The following RSF1 variants were observed in gnomAD, a reference collection of about 807,000 sequenced individuals.
RSF1 encodes remodeling and spacing factor 1, also known as HBV pX-associated protein 8.
In RSF1, 13 loss-of-function variants were observed where a neutral mutation model predicts 145.2. That is an observed-to-expected ratio of 0.09 (90% CI 0.06 to 0.14). The LOEUF (loss-of-function observed/expected upper bound fraction) is 0.14. Among genes scored for constraint, RSF1 ranks in the 10% least tolerant of loss-of-function variants. RSF1 has a pLI of 1.00. For missense variants in RSF1, 1,517 were observed against 1,718.2 expected (o/e 0.88, Z 2.07); for synonymous variants, 577 against 592.6 (o/e 0.97, Z 0.38).
intron 4 of RSF1, among the ~76,000 whole-genome samples, chr11:77,739,875 A>G (rs1027676391): frequency 6.6e-6 from 1 of 152,282 alleles, no homozygotes; most frequent in Admixed American, 6.5e-5. Flanking sequence ...ATGGTTATAT[A>G]TTAAATGTTT....
chr11:77,786,040 A>T (rs1948453892), intron 1 of RSF1, among the ~76,000 whole-genome samples: 1 of 151,324 alleles, frequency 6.6e-6, no homozygotes, highest in Non-Finnish European at 1.5e-5. Context: ...GTGGATTTTA[A>T]CATTTCCATA....
At chr11:77,787,114 G>T (rs1025689813) in intron 1 of RSF1, among the ~76,000 whole-genome samples, 3 of 152,170 alleles carry the variant, frequency 2.0e-5, no homozygotes, top group African/African-American at 7.2e-5. Flanking sequence ...AAAGGACTGA[G>T]CAGGGCATGT....
intron 1 of RSF1, among the ~76,000 whole-genome samples, chr11:77,795,078 A>G (rs557867156): frequency 6.6e-6 from 1 of 152,338 alleles, no homozygotes; most frequent in African/African-American, 2.4e-5. Context: ...GGAATCAAGA[A>G]GGCAATCCCA....
chr11:77,694,802 C>T (rs994842442), intron 7 of RSF1, among the ~76,000 whole-genome samples: 10 of 152,176 alleles, frequency 6.6e-5, no homozygotes, highest in African/African-American at 1.2e-4. Context: ...ATCCCCAGTA[C>T]GTAACCGTTT....
the RSF1 span, chr11:77,869,723 A>G: frequency 6.2e-7 from 1 of 1,613,646 alleles, no homozygotes; most frequent in Non-Finnish European, 8.5e-7. Context: ...CACATCCAGC[A>G]TTCTCCTGGT....
At position 77,701,592 on chromosome 11, in the gene RSF1, A is replaced by G; in HGVS notation, c.1637T>C (p.Met546Thr). 1 of 1,614,100 alleles carries G rather than the reference A, an allele frequency of 6.2e-7. No individual in the cohort carries two copies. Among genetic ancestry groups the G allele is most frequent in the South Asian group, 1.1e-5 (1 of 91,074 alleles). ...AGTTTTTGAAGAGAGATCTTTTGCC[A>G]TCTCAGAAGAATCAAGAGAAGTTTC... The part of the protein sequence containing the change: ...EMETSLDSSE[M>T]AKDLSSKTAL... Residue 546 changes from methionine (M) to threonine (T), a missense_variant, in exon 6 of 16, where the codon ATG (methionine) becomes ACG (threonine). This residue lies in a region of RSF1 where 579 missense variants were observed against 553.5 expected (regional missense o/e 1.05). Coordinates refer to ENST00000308488, the MANE Select transcript of RSF1 (RefSeq NM_016578.4).
the RSF1 span, among the ~76,000 whole-genome samples, chr11:77,842,284 T>G: frequency 6.6e-6 from 1 of 152,208 alleles, no homozygotes; most frequent in East Asian, 1.9e-4. Context: ...TTGCAGTATC[T>G]GGTTTCTATG....
At chr11:77,758,984 G>T (rs1485777928) in intron 2 of RSF1, among the ~76,000 whole-genome samples, 1 of 152,048 alleles carries the variant, frequency 6.6e-6, no homozygotes, top group Non-Finnish European at 1.5e-5. Flanking sequence ...TTATGTTGTT[G>T]CTCAGTCTTC....
At chr11:77,792,133 C>G (rs1224978584) in intron 1 of RSF1, among the ~76,000 whole-genome samples, 1 of 152,148 alleles carries the variant, frequency 6.6e-6, no homozygotes, top group Non-Finnish European at 1.5e-5. Context: ...GGAGGAGCAA[C>G]TCACACACTA....
At chr11:77,870,997 C>G in the RSF1 span, among the ~76,000 whole-genome samples, 1 of 152,088 alleles carries the variant, frequency 6.6e-6, no homozygotes, top group Non-Finnish European at 1.5e-5. Flanking sequence ...CCCCTTACAT[C>G]TAGGGCTTTA....
chr11:77,816,618 C>G (rs1490865860), intron 1 of RSF1, among the ~76,000 whole-genome samples: 1 of 152,208 alleles, frequency 6.6e-6, no homozygotes, highest in African/African-American at 2.4e-5. Context: ...TGTAACATCT[C>G]AACCAATATC....
Position 77,701,628 on chromosome 11 carries a change from G to T in RSF1, c.1601C>A (p.Pro534His). The T allele has an allele frequency of 1.2e-6, 2 of 1,614,112 alleles. No individual in the cohort carries two copies. The highest frequency in any genetic ancestry group is 1.7e-6 in the Non-Finnish European group (2 of 1,179,998). ...ATCAAGAGAAGTTTCCATTTCTGGA[G>T]GATCGGGTTCCTCTATTTGTGCTTT... The part of the protein sequence containing the change: ...SQKAQIEEPD[P>H]PEMETSLDSS... The change falls in exon 6 of 16, where the codon CCT becomes CAT. Residue 534 changes from proline to histidine, a missense_variant. Transcript: ENST00000308488.
the RSF1 span, among the ~76,000 whole-genome samples, chr11:77,858,607 G>C: frequency 6.6e-6 from 1 of 152,168 alleles, no homozygotes; most frequent in Non-Finnish European, 1.5e-5. Flanking sequence ...AGGAAATCCA[G>C]CTAGTCCTGT....
At position 77,662,430 on chromosome 11, in the gene RSF1, A is replaced by G. The variant is rs1959252166; in HGVS notation, c.*4487T>C. 2 of 152,170 alleles carry G rather than the reference A, an allele frequency of 1.3e-5. No individual in the cohort carries two copies. Among genetic ancestry groups the G allele is most frequent in the South Asian group, 2.1e-4 (1 of 4,834 alleles). 9.4% of individuals were successfully genotyped at this position (152,170 alleles called of 1,614,324 possible). A position where few individuals can be genotyped will look rare whatever the true frequency, so the allele number is the denominator to read the frequency against. On this transcript the variant is annotated 3_prime_UTR_variant, in exon 16 of 16. Coordinates refer to ENST00000308488, the MANE Select transcript of RSF1 (RefSeq NM_016578.4). Reference sequence around the variant, plus strand: ...ACAAAAAGTGGTGAGTGTATACTCTAAAGTGGTTATATACTAAGCTCATTA... The same window carrying G: ...ACAAAAAGTGGTGAGTGTATACTCTGAAGTGGTTATATACTAAGCTCATTA...
At chr11:77,849,982 C>T in the RSF1 span, among the ~76,000 whole-genome samples, 1 of 152,130 alleles carries the variant, frequency 6.6e-6, no homozygotes, top group African/African-American at 2.4e-5. Context: ...ATCTGTTTCC[C>T]CCACTAAGTG....
chr11:77,686,408 C>CAAAA (rs564410248), intron 9 of RSF1, among the ~76,000 whole-genome samples: 475 of 37,092 alleles, frequency 0.013, 63 homozygotes, highest in African/African-American at 0.044. Flanking sequence ...GACCCTGTCT[C>CAAAA]AAAAAAAAAA....
chr11:77,702,374 T>C lies in RSF1; in HGVS notation c.855A>G (p.Glu285=). The part of the protein sequence containing the change: ...TVKKEKEDEK[E]LVKLPVIVKL... ...TCACTATGACTGGCAGTTTCACAAG[T>C]TCCTTTTCATCTTCTTTTTCTTTTT... Residue 285 remains glutamate (E), a synonymous_variant, in exon 6 of 16, where the codon GAA becomes GAG. Transcript: ENST00000308488. 6.2e-7 allele frequency: 1 copy of C among 1,611,018 alleles called. No homozygotes were observed. Among genetic ancestry groups the C allele is most frequent in the Non-Finnish European group, 8.5e-7 (1 of 1,179,332 alleles).
the RSF1 span, among the ~76,000 whole-genome samples, chr11:77,840,578 A>G: frequency 1.3e-5 from 2 of 152,218 alleles, no homozygotes; most frequent in African/African-American, 4.8e-5. Flanking sequence ...ATAAAATTCT[A>G]ATAAAAACAT....
intron 1 of RSF1, among the ~76,000 whole-genome samples, chr11:77,808,785 G>A (rs1209791368): frequency 3.8e-5 from 4 of 104,252 alleles, no homozygotes; most frequent in Admixed American, 2.1e-4. Flanking sequence ...CGCCCACCTC[G>A]GCCTCCCAAA....
Sources: allele counts gnomAD v4.1 joint callset (sites outside exome capture counted in the v4.1 genomes callset), GRCh38; gene constraint gnomAD v4.1.1; regional missense constraint gnomAD v4.1.1; transcripts MANE v1.5; gene names NCBI Gene and HGNC (gene_info 2026-07-23, HGNC 2026-07-21).